HDHD2: variants seen among roughly 807,000 people sequenced by gnomAD.
The protein encoded by HDHD2 is haloacid dehalogenase like hydrolase domain containing 2.
HDHD2 carries 26 observed loss-of-function variants against 24.8 expected under a neutral mutation model. The ratio of observed to expected loss-of-function variants is 1.05; its 90% CI spans 0.77 to 1.45. The LOEUF (loss-of-function observed/expected upper bound fraction) is 1.45, where lower values mean the gene tolerates loss of function less well. Ranked by LOEUF, HDHD2 falls within the 40% of genes most tolerant of loss-of-function variation. The pLI is 0.00. For synonymous variants in HDHD2, 128 were observed against 114.9 expected, an observed-to-expected ratio of 1.11 and a Z score of -0.73; for missense variants, 299 against 313.4, an observed-to-expected ratio of 0.95 and a Z score of 0.35.
chr18:47,138,561 CT>C (rs1307433917), intron 1 of HDHD2, among the ~76,000 whole-genome samples: 1 of 152,176 alleles, frequency 6.6e-6, no homozygotes, highest in Non-Finnish European at 1.5e-5. Context: ...CTATTACAAA[CT>C]TTCAACATAA....
chr18:47,110,817 AGAT>A, intron 6 of HDHD2: 2 of 985,166 alleles, frequency 2.0e-6, no homozygotes, highest in African/African-American at 1.7e-5. Context: ...TTTTTTTTCT[AGAT>A]GACTGTTTCA....
intron 1 of HDHD2, among the ~76,000 whole-genome samples, chr18:47,142,853 T>C (rs938020579): frequency 7.9e-5 from 12 of 152,304 alleles, no homozygotes; most frequent in African/African-American, 2.6e-4. Context: ...TTGAGAATGA[T>C]GGTGCTCAGA....
Position 47,130,163 on chromosome 18 carries a change from T to G in HDHD2, c.395+81A>C, listed in dbSNP as rs147041612. The G allele has an allele frequency of 1.3e-4, 111 of 859,266 alleles. No individual in the cohort carries two copies. In the East Asian group the frequency reaches 2.8e-3, roughly 21 times the overall value. The allele number at this position is 859,266 out of a possible 1,614,324, so 53.2% of individuals were successfully genotyped here. A position where few individuals can be genotyped will look rare whatever the true frequency, so the allele number is the denominator to read the frequency against. On this transcript the variant is annotated intron_variant, in intron 4 of 6. Coordinates refer to ENST00000300605, the MANE Select transcript of HDHD2 (RefSeq NM_032124.5). The stretch of plus-strand genomic sequence containing the variant: ...TTAGGTGGCCAGAAAGTAAAACACA[T>G]AAACCCATTCATGACAATGACAAAA...
At chr18:47,124,226 A>G (rs957685949) in intron 4 of HDHD2, among the ~76,000 whole-genome samples, 1 of 152,252 alleles carries the variant, frequency 6.6e-6, no homozygotes, top group Admixed American at 6.5e-5. Context: ...ACACAGGAAA[A>G]TATCTTCATC....
intron 4 of HDHD2, among the ~76,000 whole-genome samples, chr18:47,124,646 C>A (rs2063639403): frequency 7.7e-6 from 1 of 130,312 alleles, no homozygotes; most frequent in African/African-American, 2.9e-5. Flanking sequence ...GCAGAGGTTG[C>A]AGTGAGCCGA....
Position 47,143,426 on chromosome 18 carries a change from C to T in HDHD2, c.-11+6952G>A, listed in dbSNP as rs538864060. On this transcript the variant is annotated intron_variant, in intron 1 of 6. Coordinates refer to ENST00000300605, the MANE Select transcript of HDHD2 (RefSeq NM_032124.5). ...CAGGGCAACACAGTGAGACTATATC[C>T]CTAAAACACACACATATATATATAT... Among the ~76,000 whole-genome samples the T allele has an allele frequency of 2.6e-5, 4 of 152,210 alleles. No individual in the cohort carries two copies. The South Asian group carries it at 8.3e-4, about 32-fold the overall frequency.
intron 1 of HDHD2, among the ~76,000 whole-genome samples, chr18:47,141,477 A>C (rs1167964877): frequency 6.6e-6 from 1 of 152,154 alleles, no homozygotes; most frequent in Non-Finnish European, 1.5e-5. Flanking sequence ...GGTAGGGAGG[A>C]ACTAAACTCC....
At chr18:47,135,232 C>T (rs1188811044) in intron 2 of HDHD2, among the ~76,000 whole-genome samples, 1 of 150,380 alleles carries the variant, frequency 6.6e-6, no homozygotes, top group Non-Finnish European at 1.5e-5. Context: ...ATACCTGGCA[C>T]TGTGATATGA....
intron 4 of HDHD2, among the ~76,000 whole-genome samples, chr18:47,127,414 G>A (rs1040194882): frequency 6.6e-6 from 1 of 152,004 alleles, no homozygotes; most frequent in African/African-American, 2.4e-5. Context: ...GTTAACTGTC[G>A]TTCTCTTTAG....
rs1003327158 is a variant in HDHD2 at position 47,129,000 on chromosome 18, GT to G, written c.395+1243del. Among the ~76,000 whole-genome samples, 15 of 146,070 alleles carry G rather than the reference GT, an allele frequency of 1.0e-4. 1 individual carries two copies. The highest frequency in any genetic ancestry group is 3.3e-4 in the African/African-American group (13 of 39,872). ...TGCACTGGTAAGAAAATTCTGGTTT[GT>G]TTTTTTTTTATAGCATTCTTGCAGT... On this transcript the variant is annotated intron_variant, in intron 4 of 6. Coordinates refer to ENST00000300605, the MANE Select transcript of HDHD2 (RefSeq NM_032124.5).
At chr18:47,139,240 C>T (rs376673264) in intron 1 of HDHD2, among the ~76,000 whole-genome samples, 9 of 151,516 alleles carry the variant, frequency 5.9e-5, no homozygotes, top group African/African-American at 1.7e-4. Context: ...GGGTGGATCA[C>T]GAGGTCAGGA....
At position 47,133,893 on chromosome 18, in the gene HDHD2, C is replaced by T. The variant is rs1482809181; in HGVS notation, c.310+603G>A. Among the ~76,000 whole-genome samples, 9 of 152,164 alleles carry T rather than the reference C, an allele frequency of 5.9e-5. No individual in the cohort carries two copies. In the East Asian group the frequency reaches 1.7e-3, roughly 29 times the overall value. On this transcript the variant is annotated intron_variant, in intron 3 of 6. Coordinates refer to ENST00000300605, the MANE Select transcript of HDHD2 (RefSeq NM_032124.5). ...GGATATTAGCCTTTTGTCAGATGAG[C>T]AGATTGCAAAAATTTTCTCCCATTC...
At chr18:47,129,175 A>G (rs1312917097) in intron 4 of HDHD2, among the ~76,000 whole-genome samples, 2 of 152,338 alleles carry the variant, frequency 1.3e-5, no homozygotes, top group East Asian at 3.9e-4. Flanking sequence ...GACATGAAAA[A>G]TTACAAAATC....
At chr18:47,124,510 C>T (rs1055977294) in intron 4 of HDHD2, among the ~76,000 whole-genome samples, 1 of 151,804 alleles carries the variant, frequency 6.6e-6, no homozygotes, top group Non-Finnish European at 1.5e-5. Context: ...AGTTCGAGAC[C>T]AGCCTGACCA....
rs1180090835 is a variant in HDHD2 at position 47,133,896 on chromosome 18, A to G, written c.310+600T>C. Among the ~76,000 whole-genome samples, 9 of 152,244 alleles carry G rather than the reference A, an allele frequency of 5.9e-5. No individual in the cohort carries two copies. In the East Asian group the frequency reaches 1.7e-3, roughly 29 times the overall value. On this transcript the variant is annotated intron_variant, in intron 3 of 6. Coordinates refer to ENST00000300605, the MANE Select transcript of HDHD2 (RefSeq NM_032124.5). The stretch of plus-strand genomic sequence containing the variant: ...TATTAGCCTTTTGTCAGATGAGCAG[A>G]TTGCAAAAATTTTCTCCCATTCTGT...
chr18:47,149,316 G>A (rs921178403), intron 1 of HDHD2, among the ~76,000 whole-genome samples: 1 of 152,078 alleles, frequency 6.6e-6, no homozygotes, highest in South Asian at 2.1e-4. Flanking sequence ...AAATTGGGGC[G>A]CTACAAAACA....
At chr18:47,111,238 TG>T in intron 6 of HDHD2, 1 of 985,216 alleles carries the variant, frequency 1.0e-6, no homozygotes, top group Non-Finnish European at 1.2e-6. Context: ...TGTGAAAGGC[TG>T]GTCACAATAA....
At position 47,137,876 on chromosome 18, in the gene HDHD2, A is replaced by G. The variant is rs568652148; in HGVS notation, c.-10-1427T>C. On this transcript the variant is annotated intron_variant, in intron 1 of 6. Transcript: ENST00000300605. Reference sequence around the variant, plus strand: ...GGTGTTTAAATAAACTTCCTGTTGGAAAAAAAAAAAAGAAGAACAGGGCTG... The same window carrying G: ...GGTGTTTAAATAAACTTCCTGTTGGGAAAAAAAAAAAGAAGAACAGGGCTG... 6.9e-5 allele frequency among the ~76,000 whole-genome samples: 10 copies of G among 145,342 alleles called. No homozygotes were observed. In the East Asian group the frequency reaches 1.6e-3, roughly 23 times the overall value.
intron 4 of HDHD2, among the ~76,000 whole-genome samples, chr18:47,116,076 G>T (rs116708684): frequency 0.016 from 2,474 of 152,126 alleles, 63 homozygotes; most frequent in African/African-American, 0.056. Context: ...TCTACCTATA[G>T]CTAAGAATCC....
Sources: gnomAD v4.1 joint callset for allele counts (sites outside exome capture counted in the v4.1 genomes callset) on GRCh38, gnomAD v4.1.1 for gene constraint, MANE v1.5 for transcripts, NCBI Gene and HGNC (gene_info 2026-07-23, HGNC 2026-07-21) for gene names.